The following BRINP3 variants were observed in gnomAD, a reference collection of about 807,000 sequenced individuals.
BRINP3 encodes BMP/retinoic acid-inducible neural-specific protein 3.
BRINP3 carries 19 observed loss-of-function variants against 71.0 expected under a neutral mutation model. The ratio of observed to expected loss-of-function variants is 0.27; its 90% CI spans 0.19 to 0.39. BRINP3 has a LOEUF of 0.39. Among genes scored for constraint, BRINP3 ranks in the 10% least tolerant of loss-of-function variants. BRINP3 has a pLI of 1.00. For synonymous variants in BRINP3, 380 were observed against 337.7 expected, an observed-to-expected ratio of 1.13 and a Z score of -1.37; for missense variants, 959 against 940.8, an observed-to-expected ratio of 1.02 and a Z score of -0.25.
chr1:190,380,693 G>A (rs1558235013), intron 2 of BRINP3, among the ~76,000 whole-genome samples: 2 of 152,004 alleles, frequency 1.3e-5, no homozygotes, highest in Non-Finnish European at 2.9e-5. Flanking sequence ...ATTAATATAT[G>A]AGTAAATCTA....
At chr1:190,322,427 C>A (rs1453245240) in intron 2 of BRINP3, among the ~76,000 whole-genome samples, 2 of 152,020 alleles carry the variant, frequency 1.3e-5, no homozygotes, top group Admixed American at 1.3e-4. Flanking sequence ...TAAATGTGCT[C>A]CACAGAGATG....
intron 2 of BRINP3, among the ~76,000 whole-genome samples, chr1:190,282,171 G>A (rs527881297): frequency 7.5e-4 from 113 of 151,534 alleles, no homozygotes; most frequent in African/African-American, 2.7e-3. Context: ...TCACTTTAGA[G>A]TGGGAACATA....
chr1:190,295,204 C>T (rs750043857), intron 2 of BRINP3, among the ~76,000 whole-genome samples: 4 of 152,064 alleles, frequency 2.6e-5, no homozygotes, highest in Admixed American at 2.0e-4. Flanking sequence ...GCCAGAACTC[C>T]GGTTTGTTCT....
intron 2 of BRINP3, among the ~76,000 whole-genome samples, chr1:190,381,418 G>C (rs561444012): frequency 6.6e-6 from 1 of 152,212 alleles, no homozygotes; most frequent in South Asian, 2.1e-4. Flanking sequence ...TGAGCTTCAG[G>C]AGTAGTATTC....
intron 2 of BRINP3, among the ~76,000 whole-genome samples, chr1:190,427,701 G>T (rs554568803): frequency 6.6e-6 from 1 of 151,908 alleles, no homozygotes; most frequent in East Asian, 1.9e-4. Flanking sequence ...TAGATGCCTG[G>T]TCTTCAAAAC....
chr1:190,331,473 T>C (rs537668166), intron 2 of BRINP3, among the ~76,000 whole-genome samples: 1 of 152,044 alleles, frequency 6.6e-6, no homozygotes, highest in Non-Finnish European at 1.5e-5. Flanking sequence ...TCATGCAGTG[T>C]ATGGTAGAGT....
At chr1:190,410,064 CTTT>C (rs1473516421) in intron 2 of BRINP3, among the ~76,000 whole-genome samples, 5 of 151,596 alleles carry the variant, frequency 3.3e-5, no homozygotes, top group Non-Finnish European at 7.4e-5. Flanking sequence ...TTACTTCTTT[CTTT>C]ATTTATCCTT....
Position 190,099,044 on chromosome 1 carries a change from C to A in BRINP3, c.1275G>T (p.Ser425=), listed in dbSNP as rs780878224. The change falls in exon 8 of 8, where the codon TCG becomes TCT. Residue 425 remains serine, a synonymous_variant. Coordinates refer to ENST00000367462, the MANE Select transcript of BRINP3 (RefSeq NM_199051.3). The part of the protein sequence containing the change: ...LLGSFSEETH[S]CTCPNDQVVC... ...CCACCTGGTCATTCGGACACGTGCA[C>A]GAGTGCGTCTCTTCTGAAAAGCTGC... The A allele has an allele frequency of 8.7e-6, 14 of 1,614,138 alleles. No homozygotes were observed. Among genetic ancestry groups the A allele is most frequent in the Non-Finnish European group, 1.1e-5 (13 of 1,180,038 alleles).
intron 6 of BRINP3, among the ~76,000 whole-genome samples, chr1:190,218,668 T>C (rs947104646): frequency 6.6e-6 from 1 of 152,034 alleles, no homozygotes; most frequent in Non-Finnish European, 1.5e-5. Context: ...GCTATAGATC[T>C]CAAAACCTAT....
intron 2 of BRINP3, among the ~76,000 whole-genome samples, chr1:190,381,189 A>G (rs1670526013): frequency 6.6e-6 from 1 of 152,122 alleles, no homozygotes; most frequent in African/African-American, 2.4e-5. Flanking sequence ...CTGTTTTCTT[A>G]AATTGTTTTT....
At chr1:190,272,469 A>C (rs774881860) in intron 3 of BRINP3, among the ~76,000 whole-genome samples, 30 of 151,474 alleles carry the variant, frequency 2.0e-4, no homozygotes, top group Non-Finnish European at 3.8e-4. Flanking sequence ...TCTTCTTTCA[A>C]TTATCTGGGA....
At chr1:190,469,232 CATT>C (rs981437842) in intron 1 of BRINP3, among the ~76,000 whole-genome samples, 1 of 150,962 alleles carries the variant, frequency 6.6e-6, no homozygotes, top group African/African-American at 2.4e-5. Flanking sequence ...TCTTCTTCCT[CATT>C]ATTGTTTGGT....
At chr1:190,424,773 C>A (rs556692836) in intron 2 of BRINP3, among the ~76,000 whole-genome samples, 1 of 151,730 alleles carries the variant, frequency 6.6e-6, no homozygotes, top group Middle Eastern at 3.4e-3. Context: ...CAGATCATGG[C>A]AAACTAAATC....
chr1:190,468,355 C>T (rs1389754126), intron 1 of BRINP3, among the ~76,000 whole-genome samples: 1 of 151,188 alleles, frequency 6.6e-6, no homozygotes. Context: ...CCTTAATTAA[C>T]AGCTATGAAT....
intron 1 of BRINP3, among the ~76,000 whole-genome samples, chr1:190,474,135 A>C (rs111957288): frequency 6.6e-6 from 1 of 151,932 alleles, no homozygotes; most frequent in Admixed American, 6.6e-5. Context: ...CTAACTCTCT[A>C]CCCTTCCCAT....
intron 6 of BRINP3, among the ~76,000 whole-genome samples, chr1:190,173,629 A>G (rs1447687315): frequency 1.3e-5 from 2 of 152,308 alleles, no homozygotes; most frequent in East Asian, 3.9e-4. Context: ...AACCCTTTAC[A>G]TTCTTAGAAA....
At chr1:190,419,864 A>G (rs1673255288) in intron 2 of BRINP3, among the ~76,000 whole-genome samples, 2 of 112,104 alleles carry the variant, frequency 1.8e-5, no homozygotes, top group Admixed American at 8.1e-5. Flanking sequence ...CCCTGATTAG[A>G]AAAAAAAAAT....
At chr1:190,349,732 T>C (rs1340888337) in intron 2 of BRINP3, among the ~76,000 whole-genome samples, 2 of 152,116 alleles carry the variant, frequency 1.3e-5, no homozygotes, top group Non-Finnish European at 2.9e-5. Flanking sequence ...TTTATGGACA[T>C]TCTAAAATAT....
intron 6 of BRINP3, among the ~76,000 whole-genome samples, chr1:190,221,381 A>G (rs893409921): frequency 2.0e-4 from 31 of 152,184 alleles, no homozygotes; most frequent in Non-Finnish European, 4.1e-4. Flanking sequence ...AACTTACTAT[A>G]TCTATAAGAT....
Sources: gnomAD v4.1 joint callset for allele counts (sites outside exome capture counted in the v4.1 genomes callset) on GRCh38, gnomAD v4.1.1 for gene constraint, MANE v1.5 for transcripts, NCBI Gene and HGNC (gene_info 2026-07-23, HGNC 2026-07-21) for gene names.